The following CNTN2 variants were observed in gnomAD, a reference collection of about 807,000 sequenced individuals.
CNTN2 encodes contactin 2.
In CNTN2, 53 loss-of-function variants were observed where a neutral mutation model predicts 117.5. The observed-to-expected ratio is 0.45, with a 90% CI of 0.36 to 0.57. The LOEUF (loss-of-function observed/expected upper bound fraction) is 0.57. Ranked by LOEUF, CNTN2 falls within the 20% of genes least tolerant of loss-of-function variation. The pLI is 0.00. For synonymous variants in CNTN2, 530 were observed against 561.7 expected, an observed-to-expected ratio of 0.94 and a Z score of 0.80; for missense variants, 1,106 against 1,404.3, an observed-to-expected ratio of 0.79 and a Z score of 3.39.
Position 205,058,851 on chromosome 1 carries a change from T to G in CNTN2, c.487+188T>G, listed in dbSNP as rs1483011684. 3.0e-6 allele frequency: 2 copies of G among 666,010 alleles called. No homozygotes were observed. The highest frequency in any genetic ancestry group is 5.1e-6 in the Non-Finnish European group (2 of 394,874). The allele number at this position is 666,010 out of a possible 1,614,324, so 41.3% of individuals were successfully genotyped here. On this transcript the variant is annotated intron_variant, in intron 5 of 22. Transcript: ENST00000331830. This position sits in a 1 kb window ranked among gnomAD's most constrained non-coding sequence, Gnocchi z 4.3. ...GTCACTTTCCATCGTTGTGCCCTGC[T>G]TCCGCCTTCAAACTGGGTGGCCCCT...
At position 205,059,310 on chromosome 1, in the gene CNTN2, C is replaced by T. The variant is rs771387145; in HGVS notation, c.697+17C>T. On this transcript the variant is annotated intron_variant, in intron 6 of 22. Coordinates refer to ENST00000331830, the MANE Select transcript of CNTN2 (RefSeq NM_005076.5). This position sits in a 1 kb window ranked among gnomAD's most constrained non-coding sequence, Gnocchi z 5.6. The stretch of plus-strand genomic sequence containing the variant: ...CTGCTGAAGGTCAGGCTTGGCCAGG[C>T]GTGGCTGGAGGGAGGGAACTGGAAG... 7 of 1,609,054 alleles carry T rather than the reference C, an allele frequency of 4.4e-6. No homozygotes were observed. The highest frequency in any genetic ancestry group is 1.7e-5 in the Admixed American group (1 of 59,392).
chr1:205,061,883 A>T lies in CNTN2; in HGVS notation c.992A>T (p.Lys331Ile), dbSNP rs1175397570. The change falls in exon 9 of 23, where the codon AAA becomes ATA. Residue 331 changes from lysine (K) to isoleucine (I), a missense_variant. Coordinates refer to ENST00000331830, the MANE Select transcript of CNTN2 (RefSeq NM_005076.5). This position sits in a 1 kb window ranked among gnomAD's most constrained non-coding sequence, Gnocchi z 4.8. ...IIVQAQPEWLKVISDTEADIG... is the reference protein window; with the variant it reads ...IIVQAQPEWLIVISDTEADIG... ...CCCACAGCTCAGCCTGAGTGGCTAA[A>T]AGTGATCTCGGACACAGAGGCTGAC... 3.8e-6 allele frequency: 6 copies of T among 1,564,620 alleles called. No homozygotes were observed. The highest frequency in any genetic ancestry group is 1.9e-5 in the Admixed American group (1 of 53,948).
Position 205,069,934 on chromosome 1 carries a change from C to T in CNTN2, c.2304C>T (p.Ala768=). The T allele has an allele frequency of 6.2e-7, 1 of 1,613,836 alleles. No individual in the cohort carries two copies. Among genetic ancestry groups the T allele is most frequent in the Non-Finnish European group, 8.5e-7 (1 of 1,180,034 alleles). The change falls in exon 18 of 23, where the codon GCC becomes GCT. Residue 768 remains alanine, a synonymous_variant. Coordinates refer to ENST00000331830, the MANE Select transcript of CNTN2 (RefSeq NM_005076.5). The stretch of plus-strand genomic sequence containing the variant: ...CCGCCCGGGTGCCTGGCGCCGATGC[C>T]CAGTACTTTGTCTACAGCAACGAGA... The part of the protein sequence containing the change: ...WQTARVPGAD[A]QYFVYSNESV...
At position 205,070,044 on chromosome 1, in the gene CNTN2, T is replaced by G. The variant is rs991601865; in HGVS notation, c.2414T>G (p.Val805Gly). 1 of 1,613,704 alleles carries G rather than the reference T, an allele frequency of 6.2e-7. No individual in the cohort carries two copies. ...GDGPESLTALVYSAEEEPRVA... is the reference protein window; with the variant it reads ...GDGPESLTALGYSAEEEPRVA... ...GGGCCCGAGAGCCTCACTGCACTCG[T>G]GTACTCAGCTGAGGAAGGTGGGCTG... Residue 805 changes from valine (V) to glycine (G), a missense_variant, in exon 18 of 23, where the codon GTG (valine) becomes GGG (glycine). Physicochemically the swap from Val to Gly is moderately radical, Grantham distance 109. Coordinates refer to ENST00000331830, the MANE Select transcript of CNTN2 (RefSeq NM_005076.5).
chr1:205,073,378 G>A lies in CNTN2; in HGVS notation c.3013+142G>A. The A allele has an allele frequency of 2.9e-6, 3 of 1,050,216 alleles. No individual in the cohort carries two copies. The South Asian group carries it at 4.8e-5, about 17-fold the overall frequency. The allele number at this position is 1,050,216 out of a possible 1,614,324, so 65.1% of individuals were successfully genotyped here. A position where few individuals can be genotyped will look rare whatever the true frequency, so the allele number is the denominator to read the frequency against. ...GCAGGCAGGAACCAAGTGCAAAGTAGTCTTAGAACTGCCTCGCCGCCACCT... is the reference window on the plus strand; with the variant it reads ...GCAGGCAGGAACCAAGTGCAAAGTAATCTTAGAACTGCCTCGCCGCCACCT... On this transcript the variant is annotated intron_variant, in intron 22 of 22. Coordinates refer to ENST00000331830, the MANE Select transcript of CNTN2 (RefSeq NM_005076.5). The surrounding 1 kb of genome is among the most constrained non-coding windows in gnomAD (Gnocchi z 6.3).
chr1:205,051,040 T>A (rs2096451893), intron 1 of CNTN2, among the ~76,000 whole-genome samples: 1 of 152,222 alleles, frequency 6.6e-6, no homozygotes, highest in South Asian at 2.1e-4. Context: ...TGTAACCCCA[T>A]CGTAAGTCAA....
chr1:205,053,332 G>A (rs1181191756), intron 2 of CNTN2, 77 bp downstream of exon 2: 21 of 1,241,096 alleles, frequency 1.7e-5, no homozygotes, highest in East Asian at 1.3e-4. Context: ...TTTGGGTGAC[G>A]ATTACAGAAA....
chr1:205,071,890 G>A, intron 19 of CNTN2, 57 bp from the exon 20 acceptor site: 1 of 1,502,418 alleles, frequency 6.7e-7, no homozygotes, highest in Non-Finnish European at 9.0e-7. Context: ...GGGGGCCGGG[G>A]CAGCCCTGAG....
Position 205,073,434 on chromosome 1 carries a change from G to T in CNTN2, c.3013+198G>T. On this transcript the variant is annotated intron_variant, in intron 22 of 22. Coordinates refer to ENST00000331830, the MANE Select transcript of CNTN2 (RefSeq NM_005076.5). The surrounding 1 kb of genome is among the most constrained non-coding windows in gnomAD (Gnocchi z 6.3). ...CCCAGCCCCCAGAACATCCCCGAGG[G>T]CCAGGGAAGGGCGCAGGGTGCAGGG... 1 of 783,102 alleles carries T rather than the reference G, an allele frequency of 1.3e-6. No homozygotes were observed. Among genetic ancestry groups the T allele is most frequent in the Non-Finnish European group, 2.0e-6 (1 of 500,222 alleles). 48.5% of individuals were successfully genotyped at this position (783,102 alleles called of 1,614,324 possible).
intron 16 of CNTN2, chr1:205,068,350 T>C (rs1654415764): frequency 6.6e-6 from 1 of 152,246 alleles, no homozygotes; most frequent in Admixed American, 6.5e-5. Flanking sequence ...CCTTCTTGTC[T>C]GCCTGAAACA....
Position 205,043,272 on chromosome 1 carries a change from C to T in CNTN2, c.-209C>T. The stretch of plus-strand genomic sequence containing the variant: ...GCCGCCGCCGCACCCGGACAGCGAG[C>T]GGCTGAGGCCGCCAGGGCCCAAAGG... On this transcript the variant is annotated 5_prime_UTR_variant, in exon 1 of 23. Coordinates refer to ENST00000331830, the MANE Select transcript of CNTN2 (RefSeq NM_005076.5). 6.5e-6 allele frequency: 1 copy of T among 152,760 alleles called. No individual in the cohort carries two copies. Among genetic ancestry groups the T allele is most frequent in the South Asian group, 1.9e-4 (1 of 5,150 alleles). 9.5% of individuals were successfully genotyped at this position (152,760 alleles called of 1,614,324 possible).
chr1:205,066,208 T>C (rs1028655994), intron 14 of CNTN2: 1 of 613,780 alleles, frequency 1.6e-6, no homozygotes, highest in Admixed American at 3.0e-5. Context: ...CACCTCTCCA[T>C]GTGACAGCCT....
chr1:205,069,722 G>A (rs1654486669), intron 17 of CNTN2, 105 bp from the exon 18 acceptor site: 4 of 1,438,930 alleles, frequency 2.8e-6, no homozygotes, highest in Non-Finnish European at 1.9e-6. Context: ...CGCTGCAGGC[G>A]TAGGCGTCCA....
intron 2 of CNTN2, chr1:205,057,406 CT>C (rs1285221187): frequency 6.6e-6 from 1 of 152,444 alleles, no homozygotes; most frequent in East Asian, 1.9e-4. Context: ...CAGATCAGTT[CT>C]TCTGTAAGGG....
Position 205,074,704 on chromosome 1 carries a change from C to T in CNTN2, c.*939C>T, listed in dbSNP as rs1417721081. 1.0e-5 allele frequency: 4 copies of T among 399,070 alleles called. No individual in the cohort carries two copies. The highest frequency in any genetic ancestry group is 1.3e-5 in the Non-Finnish European group (3 of 226,368). The allele number at this position is 399,070 out of a possible 1,614,324, so 24.7% of individuals were successfully genotyped here. The stretch of plus-strand genomic sequence containing the variant: ...CCTCTCCAGTGCTGCCTGCAGTCAG[C>T]TCGGCCTCCCCGACCTGCAGCCCCA... On this transcript the variant is annotated 3_prime_UTR_variant, in exon 23 of 23. Coordinates refer to ENST00000331830, the MANE Select transcript of CNTN2 (RefSeq NM_005076.5).
Position 205,073,038 on chromosome 1 carries a change from A to G in CNTN2, c.2845-30A>G, listed in dbSNP as rs777263686. 6.2e-7 allele frequency: 1 copy of G among 1,612,594 alleles called. No homozygotes were observed. Among genetic ancestry groups the G allele is most frequent in the South Asian group, 1.1e-5 (1 of 90,714 alleles). ...CTCAACGATCAGCCCTGGTGTCAGGAAACTCCACCTGGAAACCTCCTTCCC... is the reference window on the plus strand; with the variant it reads ...CTCAACGATCAGCCCTGGTGTCAGGGAACTCCACCTGGAAACCTCCTTCCC... On this transcript the variant is annotated intron_variant, in intron 21 of 22. Transcript: ENST00000331830. This position sits in a 1 kb window ranked among gnomAD's most constrained non-coding sequence, Gnocchi z 6.3.
rs558434349 is a variant in CNTN2 at position 205,053,318 on chromosome 1, A to G, written c.70+63A>G. 23 of 1,373,890 alleles carry G rather than the reference A, an allele frequency of 1.7e-5. No individual in the cohort carries two copies. The African/African-American group carries it at 3.1e-4, about 18-fold the overall frequency. The allele number at this position is 1,373,890 out of a possible 1,614,324, so 85.1% of individuals were successfully genotyped here. On this transcript the variant is annotated intron_variant, in intron 2 of 22. Transcript: ENST00000331830. ...ATGATTATAGTGTTATATCCTTGCT[A>G]TGATTTGGGTGACGATTACAGAAAT... is the stretch of plus-strand genomic sequence containing the variant.
chr1:205,072,899 C>A, intron 21 of CNTN2, 169 bp from the exon 22 acceptor site: 1 of 730,476 alleles, frequency 1.4e-6, no homozygotes, highest in South Asian at 1.9e-5. Context: ...CAGTGGCCTG[C>A]AAGCTTTCCT....
Position 205,073,166 on chromosome 1 carries a change from G to C in CNTN2, c.2943G>C (p.Leu981=), listed in dbSNP as rs774117484. 6.2e-7 allele frequency: 1 copy of C among 1,614,110 alleles called. No homozygotes were observed. Among genetic ancestry groups the C allele is most frequent in the Admixed American group, 1.7e-5 (1 of 60,026 alleles). The change falls in exon 22 of 23, where the codon CTG becomes CTC. Residue 981 remains leucine, a synonymous_variant. Coordinates refer to ENST00000331830, the MANE Select transcript of CNTN2 (RefSeq NM_005076.5). This position sits in a 1 kb window ranked among gnomAD's most constrained non-coding sequence, Gnocchi z 6.3. The part of the protein sequence containing the change: ...IPVPEDIGHA[L]VQIRTTGPGG... The stretch of plus-strand genomic sequence containing the variant: ...TGCCTGAAGACATTGGCCATGCCCT[G>C]GTACAAATTCGGACCACAGGGCCCG...
Sources: allele counts gnomAD v4.1 joint callset (sites outside exome capture counted in the v4.1 genomes callset), GRCh38; gene constraint gnomAD v4.1.1; non-coding constraint Gnocchi (gnomAD v3.1); transcripts MANE v1.5; gene names NCBI Gene and HGNC (gene_info 2026-07-23, HGNC 2026-07-21).